Variants in ITGA8 observed in about 807,000 individuals in gnomAD.
ITGA8 encodes integrin subunit alpha 8.
In ITGA8, 91 loss-of-function variants were observed where a neutral mutation model predicts 142.3. That is an observed-to-expected ratio of 0.64 (90% CI 0.54 to 0.76). The LOEUF is 0.76. Among genes scored for constraint, ITGA8 ranks in the 30% least tolerant of loss-of-function variants. The probability of loss-of-function intolerance (pLI) is 0.00; values close to 1 mark genes in which losing one functional copy is unlikely to be tolerated. For missense variants in ITGA8, 1,406 were observed against 1,327.7 expected (o/e 1.06, Z -0.92); for synonymous variants, 505 against 485.2 (o/e 1.04, Z -0.54).
intron 2 of ITGA8, among the ~76,000 whole-genome samples, chr10:15,700,690 G>A (rs1835146115): frequency 6.6e-6 from 1 of 152,024 alleles, no homozygotes; most frequent in African/African-American, 2.4e-5. Context: ...CTAATATCCA[G>A]AATCTACAAA....
At chr10:15,614,000 C>G (rs1314802755) in intron 14 of ITGA8, among the ~76,000 whole-genome samples, 1 of 152,138 alleles carries the variant, frequency 6.6e-6, no homozygotes, top group Non-Finnish European at 1.5e-5. Context: ...ATAAAGAGTG[C>G]TGTGGGTCTG....
rs370771021 is a variant in ITGA8 at position 15,519,317 on chromosome 10, G to A, written c.3078C>T (p.Leu1026=). ...ILAILLGLLV[L]AILTLALWKC... ...TCCATAAAGCTAAGGTTAAAATGGC[G>A]AGAACCAACAATCCAAGAAGTATTG... The change falls in exon 29 of 30, where the codon CTC becomes CTT. Residue 1026 remains leucine, a synonymous_variant. Transcript: ENST00000378076. 2.6e-5 allele frequency: 42 copies of A among 1,613,636 alleles called. No individual in the cohort carries two copies. The highest frequency in any genetic ancestry group is 5.5e-5 in the South Asian group (5 of 91,024).
intron 2 of ITGA8, among the ~76,000 whole-genome samples, chr10:15,706,141 T>A (rs1470085002): frequency 1.3e-5 from 2 of 152,208 alleles, no homozygotes; most frequent in Non-Finnish European, 2.9e-5. Context: ...ATATCTGGAC[T>A]CAACCCTGGG....
At chr10:15,717,222 C>T (rs1451469439) in intron 2 of ITGA8, among the ~76,000 whole-genome samples, 3 of 152,122 alleles carry the variant, frequency 2.0e-5, no homozygotes, top group Admixed American at 6.5e-5. Context: ...TTTTCCACGA[C>T]CATAAATTGC....
At chr10:15,647,751 C>G (rs1295830440) in intron 11 of ITGA8, among the ~76,000 whole-genome samples, 1 of 152,168 alleles carries the variant, frequency 6.6e-6, no homozygotes, top group East Asian at 1.9e-4. Context: ...CGTGAGCCAC[C>G]GCGCCCGGCC....
intron 22 of ITGA8, among the ~76,000 whole-genome samples, chr10:15,589,836 C>G (rs535993578): frequency 6.7e-6 from 1 of 148,612 alleles, no homozygotes; most frequent in Admixed American, 6.8e-5. Context: ...AATCTTGACT[C>G]GCTGCAACCT....
intron 2 of ITGA8, among the ~76,000 whole-genome samples, chr10:15,703,397 A>G (rs1835201027): frequency 6.6e-6 from 1 of 152,230 alleles, no homozygotes; most frequent in African/African-American, 2.4e-5. Flanking sequence ...ATCACATACT[A>G]TCATTCAGAA....
chr10:15,516,476 CTGAG>C lies in ITGA8; in HGVS notation c.*678_*681del, dbSNP rs1832962488. The C allele has an allele frequency of 6.6e-6, 1 of 152,210 alleles. No individual in the cohort carries two copies. The highest frequency in any genetic ancestry group is 1.5e-5 in the Non-Finnish European group (1 of 68,032). The allele number at this position is 152,210 out of a possible 1,614,324, so 9.4% of individuals were successfully genotyped here. On this transcript the variant is annotated 3_prime_UTR_variant, in exon 30 of 30. Coordinates refer to ENST00000378076, the MANE Select transcript of ITGA8 (RefSeq NM_003638.3). ...GCACACAGTGGTTCTTAGGAGGAAA[CTGAG>C]TGAGTGATTTTGAAAACTAGCTAAC...
intron 3 of ITGA8, 86 bp downstream of exon 3, chr10:15,687,849 GGAA>G (rs1309404658): frequency 6.5e-5 from 52 of 801,662 alleles, no homozygotes; most frequent in Middle Eastern, 4.6e-4. Context: ...TGTTCCTTTA[GGAA>G]AGAGCTTTCC....
intron 8 of ITGA8, among the ~76,000 whole-genome samples, chr10:15,662,435 C>G (rs1419809285): frequency 6.8e-6 from 1 of 146,414 alleles, no homozygotes; most frequent in Non-Finnish European, 1.5e-5. Flanking sequence ...ACCTCCTGGG[C>G]TCAAGCCATC....
At chr10:15,704,296 G>A (rs1835218332) in intron 2 of ITGA8, among the ~76,000 whole-genome samples, 1 of 152,130 alleles carries the variant, frequency 6.6e-6, no homozygotes, top group Non-Finnish European at 1.5e-5. Context: ...CTATCCTGAA[G>A]CCAGAGTTAT....
intron 8 of ITGA8, among the ~76,000 whole-genome samples, chr10:15,661,380 C>T (rs966398993): frequency 2.0e-5 from 3 of 152,162 alleles, no homozygotes; most frequent in Non-Finnish European, 4.4e-5. Context: ...TGAAACCAGT[C>T]CCTGGTACCA....
Position 15,514,661 on chromosome 10 carries a change from C to A in ITGA8, c.*2497G>T, listed in dbSNP as rs1396857207. On this transcript the variant is annotated 3_prime_UTR_variant, in exon 30 of 30. Coordinates refer to ENST00000378076, the MANE Select transcript of ITGA8 (RefSeq NM_003638.3). The stretch of plus-strand genomic sequence containing the variant: ...CAGGTGATCTGCCCGTCTCGGCCTC[C>A]CAAAGTGTTGGGATTACAAGTGTGA... 1 of 152,330 alleles carries A rather than the reference C, an allele frequency of 6.6e-6. No homozygotes were observed. Among genetic ancestry groups the A allele is most frequent in the East Asian group, 1.9e-4 (1 of 5,196 alleles). The allele number at this position is 152,330 out of a possible 1,614,324, so 9.4% of individuals were successfully genotyped here. A position where few individuals can be genotyped will look rare whatever the true frequency, so the allele number is the denominator to read the frequency against.
At chr10:15,517,292 G>T in intron 29 of ITGA8, 48 bp from the exon 30 acceptor site, 4 of 1,243,360 alleles carry the variant, frequency 3.2e-6, no homozygotes, top group Non-Finnish European at 4.6e-6. Context: ...CTGGGAACCT[G>T]TGAAACCCCT....
chr10:15,705,031 C>T (rs925392956), intron 2 of ITGA8, among the ~76,000 whole-genome samples: 2 of 151,986 alleles, frequency 1.3e-5, no homozygotes, highest in Non-Finnish European at 2.9e-5. Flanking sequence ...AGTCACCATT[C>T]CCAATGTTAC....
intron 15 of ITGA8, among the ~76,000 whole-genome samples, chr10:15,612,295 T>C (rs1458904169): frequency 1.3e-5 from 2 of 152,136 alleles, no homozygotes; most frequent in Non-Finnish European, 2.9e-5. Flanking sequence ...TTGACTCCAG[T>C]ATGAACTCCT....
chr10:15,531,212 C>T, intron 27 of ITGA8, 61 bp from the exon 28 acceptor site: 1 of 802,310 alleles, frequency 1.2e-6, no homozygotes, highest in Non-Finnish European at 1.8e-6. Flanking sequence ...GTTATACTGG[C>T]AGCCACCTAA....
At chr10:15,615,518 GT>G (rs1389829320) in intron 14 of ITGA8, among the ~76,000 whole-genome samples, 2 of 152,080 alleles carry the variant, frequency 1.3e-5, no homozygotes, top group Non-Finnish European at 2.9e-5. Context: ...GACCTTTTAT[GT>G]TTGTTTATTT....
At chr10:15,663,337 C>T (rs1834325462) in intron 8 of ITGA8, among the ~76,000 whole-genome samples, 1 of 152,058 alleles carries the variant, frequency 6.6e-6, no homozygotes, top group African/African-American at 2.4e-5. Flanking sequence ...TAGATATCCT[C>T]AAAACACTTT....
Sources: allele counts gnomAD v4.1 joint callset (sites outside exome capture counted in the v4.1 genomes callset), GRCh38; gene constraint gnomAD v4.1.1; transcripts MANE v1.5; gene names NCBI Gene and HGNC (gene_info 2026-07-23, HGNC 2026-07-21).